Variants in KCNN1 observed in about 807,000 individuals in gnomAD.
The protein encoded by KCNN1 is potassium calcium-activated channel subfamily N member 1, also known as small conductance calcium-activated potassium channel protein 1.
Under a neutral mutation model 44.7 loss-of-function variants are expected in KCNN1, and 20 were observed. That is an observed-to-expected ratio of 0.45 (90% CI 0.32 to 0.65). The LOEUF (loss-of-function observed/expected upper bound fraction) is 0.65, where lower values mean the gene tolerates loss of function less well. Among genes scored for constraint, KCNN1 ranks in the 30% least tolerant of loss-of-function variants. The pLI is 0.05. For synonymous variants in KCNN1, 324 were observed against 341.7 expected (o/e 0.95, Z 0.57); for missense variants, 632 against 785.3 (o/e 0.80, Z 2.33).
rs749787711 is a variant in KCNN1 at position 17,993,468 on chromosome 19, C to T, written c.1308-22C>T. 6.2e-7 allele frequency: 1 copy of T among 1,605,002 alleles called. No individual in the cohort carries two copies. The highest frequency in any genetic ancestry group is 1.1e-5 in the South Asian group (1 of 90,260). ...CCACGGGAACCTGCCTAACCCCCTC[C>T]CCCAACCCCGTGTCCCCACAGGCTC... On this transcript the variant is annotated intron_variant, in intron 8 of 9. Transcript: ENST00000684775. The surrounding 1 kb of genome is among the most constrained non-coding windows in gnomAD (Gnocchi z 4.5).
intron 1 of KCNN1, among the ~76,000 whole-genome samples, chr19:17,969,877 G>A (rs958287236): frequency 6.6e-6 from 1 of 152,228 alleles, no homozygotes; most frequent in Non-Finnish European, 1.5e-5. Flanking sequence ...GTTCCTGTGT[G>A]CACCCTAGTG....
intron 4 of KCNN1, 115 bp from the exon 5 acceptor site, chr19:17,985,197 A>G (rs1443602973): frequency 9.8e-7 from 1 of 1,018,542 alleles, no homozygotes; most frequent in African/African-American, 1.6e-5. Flanking sequence ...CATAGCCCCA[A>G]CGCAGCGAGG....
chr19:17,980,302 G>A (rs2032362205), intron 3 of KCNN1, among the ~76,000 whole-genome samples: 1 of 133,984 alleles, frequency 7.5e-6, no homozygotes, highest in Admixed American at 9.0e-5. Context: ...TGCCTGGGCT[G>A]GTCTCAAACT....
At chr19:17,959,291 C>A (rs2145902442) in intron 2 of KCNN1, among the ~76,000 whole-genome samples, 1 of 151,148 alleles carries the variant, frequency 6.6e-6, no homozygotes, top group South Asian at 2.1e-4. Flanking sequence ...CAGAGTCTCG[C>A]TCTGTCGCCC....
At position 17,981,891 on chromosome 19, in the gene KCNN1, C is replaced by T. The variant is rs938822203; in HGVS notation, c.681C>T (p.Asp227=). The T allele has an allele frequency of 5.0e-6, 8 of 1,612,408 alleles. No individual in the cohort carries two copies. Among genetic ancestry groups the T allele is most frequent in the Non-Finnish European group, 6.8e-6 (8 of 1,178,894 alleles). The change falls in exon 4 of 10, where the codon GAC becomes GAT. Residue 227 remains aspartate, a synonymous_variant. Transcript: ENST00000684775. The part of the protein sequence containing the change: ...YAPSVAEADV[D]VLLSIPMFLR... ...CCTCGGTGGCCGAGGCCGACGTGGA[C>T]GTGCTGCTGTCCATCCCCATGTTCC...
chr19:17,981,885 C>T lies in KCNN1; in HGVS notation c.675C>T (p.Asp225=), dbSNP rs1267217144. The part of the protein sequence containing the change: ...FTYAPSVAEA[D]VDVLLSIPMF... ...ACGCGCCCTCGGTGGCCGAGGCCGA[C>T]GTGGACGTGCTGCTGTCCATCCCCA... Residue 225 remains aspartate (D), a synonymous_variant, in exon 4 of 10, where the codon GAC becomes GAT. Coordinates refer to ENST00000684775, the MANE Select transcript of KCNN1 (RefSeq NM_001386974.1). 3.7e-6 allele frequency: 6 copies of T among 1,612,354 alleles called. No individual in the cohort carries two copies. The highest frequency in any genetic ancestry group is 5.1e-6 in the Non-Finnish European group (6 of 1,178,906).
rs1375964609 is a variant in KCNN1 at position 17,967,228 on chromosome 19, C to A, written c.-171C>A. 4 of 982,846 alleles carry A rather than the reference C, an allele frequency of 4.1e-6. No individual in the cohort carries two copies. In the Middle Eastern group the frequency reaches 1.6e-3, roughly 386 times the overall value. The allele number at this position is 982,846 out of a possible 1,614,324, so 60.9% of individuals were successfully genotyped here. ...TCGCTGCTGCCCGCCCCGTCCGCGA[C>A]CCCGGCTCCGGCTCCCGACTGGGGG... On this transcript the variant is annotated 5_prime_UTR_variant, in exon 1 of 10. Coordinates refer to ENST00000684775, the MANE Select transcript of KCNN1 (RefSeq NM_001386974.1).
rs768926111 is a variant in KCNN1 at position 18,000,066 on chromosome 19, G to T, written c.*1660G>T. 6.6e-5 allele frequency: 30 copies of T among 455,044 alleles called. No homozygotes were observed. Among genetic ancestry groups the T allele is most frequent in the Non-Finnish European group, 1.1e-4 (25 of 226,342 alleles). 28.2% of individuals were successfully genotyped at this position (455,044 alleles called of 1,614,324 possible). Reference sequence around the variant, plus strand: ...AGGTGCTCAATAAATGCTCCTTCCCGCCTGAGGGATCACACTGGAGTCTTT... The same window carrying T: ...AGGTGCTCAATAAATGCTCCTTCCCTCCTGAGGGATCACACTGGAGTCTTT... On this transcript the variant is annotated 3_prime_UTR_variant, in exon 10 of 10. Coordinates refer to ENST00000684775, the MANE Select transcript of KCNN1 (RefSeq NM_001386974.1).
intron 9 of KCNN1, among the ~76,000 whole-genome samples, chr19:17,995,831 C>T (rs905150277): frequency 3.3e-5 from 5 of 152,052 alleles, no homozygotes; most frequent in Non-Finnish European, 1.5e-5. Context: ...AGTAATCCAC[C>T]TGCCTTGGCC....
At chr19:17,995,411 T>C (rs2032949817) in intron 9 of KCNN1, among the ~76,000 whole-genome samples, 1 of 151,798 alleles carries the variant, frequency 6.6e-6, no homozygotes, top group Admixed American at 6.6e-5. Flanking sequence ...TGAGCTCAAG[T>C]GATCCTCCCG....
chr19:17,999,432 G>T lies in KCNN1; in HGVS notation c.*1026G>T, dbSNP rs1236290761. On this transcript the variant is annotated 3_prime_UTR_variant, in exon 10 of 10. Coordinates refer to ENST00000684775, the MANE Select transcript of KCNN1 (RefSeq NM_001386974.1). ...TAGCTGGGTGTGGTGGTGCACGCCT[G>T]TAATCCCAGCTACTTGGGAGGCTGA... 1 of 153,428 alleles carries T rather than the reference G, an allele frequency of 6.5e-6. No homozygotes were observed. The highest frequency in any genetic ancestry group is 1.9e-4 in the East Asian group (1 of 5,216). 9.5% of individuals were successfully genotyped at this position (153,428 alleles called of 1,614,324 possible). A position where few individuals can be genotyped will look rare whatever the true frequency, so the allele number is the denominator to read the frequency against.
chr19:17,962,918 G>A (rs1172452272), upstream of KCNN1, among the ~76,000 whole-genome samples: 6 of 151,218 alleles, frequency 4.0e-5, no homozygotes, highest in Admixed American at 6.6e-5. Flanking sequence ...GGCCAGGCTG[G>A]TCTTGAACTC....
intron 2 of KCNN1, among the ~76,000 whole-genome samples, chr19:17,955,562 CAA>C (rs58125650): frequency 1.1e-4 from 6 of 54,220 alleles, no homozygotes; most frequent in Admixed American, 3.9e-4. Flanking sequence ...ACTCCATCTC[CAA>C]AAAAAAAAAA....
intron 4 of KCNN1, among the ~76,000 whole-genome samples, chr19:17,985,026 T>C (rs566552891): frequency 3.6e-4 from 53 of 148,470 alleles, no homozygotes; most frequent in Non-Finnish European, 6.9e-4. Flanking sequence ...CCCATCCCCC[T>C]GTCTGTGTGT....
intron 3 of KCNN1, 78 bp from the exon 4 acceptor site, chr19:17,981,631 C>T: frequency 7.5e-7 from 1 of 1,337,176 alleles, no homozygotes; most frequent in South Asian, 1.5e-5. Flanking sequence ...ACGTCACTCT[C>T]TGGGGGCGCG....
At chr19:17,989,968 C>A (rs1006217777) in intron 7 of KCNN1, 125 bp downstream of exon 7, 15 of 1,380,104 alleles carry the variant, frequency 1.1e-5, no homozygotes, top group Non-Finnish European at 1.5e-5. Context: ...TTGGGGCCTG[C>A]ATCTTCTGAG....
At chr19:17,966,124 A>G (rs1379605936), upstream of KCNN1, among the ~76,000 whole-genome samples, 1 of 151,896 alleles carries the variant, frequency 6.6e-6, no homozygotes, top group Non-Finnish European at 1.5e-5. Context: ...GAAACACAGA[A>G]GACAGCCTCC....
Position 17,973,878 on chromosome 19 carries a change from C to T in KCNN1, c.-11C>T. 1 of 1,549,582 alleles carries T rather than the reference C, an allele frequency of 6.5e-7. No homozygotes were observed. The highest frequency in any genetic ancestry group is 8.7e-7 in the Non-Finnish European group (1 of 1,149,216). ...GCCTGCAGCGAGCCCAACCCCTGCA[C>T]CCAGGTAGTCATGAACAGCCACAGC... On this transcript the variant is annotated 5_prime_UTR_variant, in exon 2 of 10. Transcript: ENST00000684775.
At chr19:17,959,534 G>GT (rs1468733756) in intron 2 of KCNN1, among the ~76,000 whole-genome samples, 1 of 151,912 alleles carries the variant, frequency 6.6e-6, no homozygotes, top group Non-Finnish European at 1.5e-5. Flanking sequence ...GGGATTACAG[G>GT]TGTGAGCCAC....
Sources: allele counts gnomAD v4.1 joint callset (sites outside exome capture counted in the v4.1 genomes callset), GRCh38; gene constraint gnomAD v4.1.1; non-coding constraint Gnocchi (gnomAD v3.1); transcripts MANE v1.5; gene names NCBI Gene and HGNC (gene_info 2026-07-23, HGNC 2026-07-21).